ARHGEF7: variants seen among roughly 807,000 people sequenced by gnomAD.
ARHGEF7 encodes the protein PAK-interacting exchange factor beta.
Under a neutral mutation model 109.8 loss-of-function variants are expected in ARHGEF7, and 33 were observed. The observed-to-expected ratio is 0.30, with a 90% CI of 0.23 to 0.40. ARHGEF7 has a LOEUF of 0.40. Among genes scored for constraint, ARHGEF7 ranks in the 10% least tolerant of loss-of-function variants. The probability of loss-of-function intolerance (pLI) is 1.00; values close to 1 mark genes in which losing one functional copy is unlikely to be tolerated. For missense variants in ARHGEF7, 938 were observed against 1,098.5 expected, an observed-to-expected ratio of 0.85 and a Z score of 2.07; for synonymous variants, 458 against 424.6, an observed-to-expected ratio of 1.08 and a Z score of -0.97.
At chr13:111,211,270 CA>C (rs1393428839) in intron 4 of ARHGEF7, among the ~76,000 whole-genome samples, 3 of 152,134 alleles carry the variant, frequency 2.0e-5, no homozygotes, top group Non-Finnish European at 4.4e-5. Flanking sequence ...GAGGACTAAA[CA>C]AACCACTTTA....
At chr13:111,229,859 C>T (rs1594968371) in intron 5 of ARHGEF7, among the ~76,000 whole-genome samples, 1 of 152,328 alleles carries the variant, frequency 6.6e-6, no homozygotes, top group South Asian at 2.1e-4. Flanking sequence ...TTGGTTTCTT[C>T]TAGGCTGTGC....
intron 2 of ARHGEF7, among the ~76,000 whole-genome samples, chr13:111,159,444 T>G (rs575296868): frequency 1.3e-5 from 2 of 152,328 alleles, no homozygotes; most frequent in South Asian, 2.1e-4. Flanking sequence ...GTTTTTAGAT[T>G]TTGGAGGAAC....
intron 6 of ARHGEF7, chr13:111,241,056 T>G: frequency 7.7e-7 from 1 of 1,296,834 alleles, no homozygotes; most frequent in Non-Finnish European, 1.0e-6. Context: ...TGTTTTGCTG[T>G]GCTCTGAGGC....
In ARHGEF7 at chr13:111,277,626, T is replaced by C. The variant is rs141685999; in HGVS notation, c.1459T>C (p.Leu487=). ...ATATCTTCTACTCTTCCCAAATGTT[T>C]TGCTAATGTTGTCTGCCAGTCCTAG... ...ERYLLLFPNV[L]LMLSASPRMS... The change falls in exon 13 of 22, where the codon TTG becomes CTG. Residue 487 remains leucine, a synonymous_variant. Transcript: ENST00000646102. The C allele has an allele frequency of 8.4e-3, 13,478 of 1,607,996 alleles. 78 individuals carry two copies. Among genetic ancestry groups the C allele is most frequent in the Non-Finnish European group, 0.01 (12,170 of 1,174,738 alleles).
intron 2 of ARHGEF7, among the ~76,000 whole-genome samples, chr13:111,178,344 A>T (rs2078373361): frequency 6.6e-6 from 1 of 152,206 alleles, no homozygotes; most frequent in Non-Finnish European, 1.5e-5. Flanking sequence ...TCTACATTTA[A>T]TGTGTTTTTA....
intron 2 of ARHGEF7, chr13:111,202,996 A>G: frequency 1.8e-6 from 2 of 1,114,308 alleles, no homozygotes; most frequent in Non-Finnish European, 2.3e-6. Flanking sequence ...AGTTTCAGCC[A>G]ATCAGATGCT....
chr13:111,277,797 A>G (rs1301835599), intron 13 of ARHGEF7, 124 bp downstream of exon 13: 2 of 638,838 alleles, frequency 3.1e-6, no homozygotes, highest in South Asian at 4.1e-5. Context: ...AGTGCTGTAT[A>G]TTCAGATATG....
At chr13:111,293,154 T>C (rs1342651407) in intron 19 of ARHGEF7, 1 of 985,344 alleles carries the variant, frequency 1.0e-6, no homozygotes, top group East Asian at 1.1e-4. Flanking sequence ...GCCCGAAAGC[T>C]GAAGCATTCA....
Position 111,153,917 on chromosome 13 carries a change from C to G in ARHGEF7, c.178C>G (p.Pro60Ala), listed in dbSNP as rs779091507. The change falls in exon 2 of 22, where the codon CCC (proline) becomes GCC (alanine). Residue 60 changes from proline (P) to alanine (A), a missense_variant. Around this residue, in one of 4 missense-constraint regions of ARHGEF7, gnomAD observed 165 missense variants for 125.8 expected, o/e 1.31. Transcript: ENST00000646102. ...PGTIEKVYPE[P>A]RSESECLSNI... Reference sequence around the variant, plus strand: ...CTCTGTATTGCAGGTCTACCCCGAGCCCCGGAGCGAGAGCGAGTGCCTGAG... The same window carrying G: ...CTCTGTATTGCAGGTCTACCCCGAGGCCCGGAGCGAGAGCGAGTGCCTGAG... The G allele has an allele frequency of 3.1e-6, 5 of 1,605,208 alleles. No individual in the cohort carries two copies. The East Asian group carries it at 1.1e-4, about 37-fold the overall frequency.
intron 8 of ARHGEF7, chr13:111,265,426 A>G (rs377010537): frequency 8.2e-6 from 3 of 365,622 alleles, no homozygotes; most frequent in Middle Eastern, 9.1e-4. Context: ...TGTTTTGAAC[A>G]TGAGGTTTTT....
At chr13:111,141,502 A>G (rs1402498345) in intron 1 of ARHGEF7, among the ~76,000 whole-genome samples, 1 of 152,158 alleles carries the variant, frequency 6.6e-6, no homozygotes, top group Non-Finnish European at 1.5e-5. Flanking sequence ...AGGAACCTCT[A>G]CGTATTCAGC....
intron 18 of ARHGEF7, among the ~76,000 whole-genome samples, chr13:111,290,361 A>C (rs1308897710): frequency 6.6e-6 from 1 of 152,252 alleles, no homozygotes; most frequent in Non-Finnish European, 1.5e-5. Flanking sequence ...TATAACAGCT[A>C]TTTATATGGC....
At chr13:111,184,045 C>T (rs971413927) in intron 2 of ARHGEF7, among the ~76,000 whole-genome samples, 2 of 151,984 alleles carry the variant, frequency 1.3e-5, no homozygotes, top group African/African-American at 4.8e-5. Flanking sequence ...TATAATAATC[C>T]CCACCTGTCA....
rs1351126469 is a variant in ARHGEF7, at chr13:111,258,653, G to A, written c.951-8895G>A. 6.6e-6 allele frequency among the ~76,000 whole-genome samples: 1 copy of A among 152,142 alleles called. No individual in the cohort carries two copies. Among genetic ancestry groups the A allele is most frequent in the East Asian group, 1.9e-4 (1 of 5,168 alleles). ...GAGCTGGCTTCAAATGTGACCCAGA[G>A]CACATTCCCAGCTGTGGTGGCTACA... On this transcript the variant is annotated intron_variant, in intron 8 of 21. Coordinates refer to ENST00000646102, the MANE Select transcript of ARHGEF7 (RefSeq NM_001354046.2). The surrounding 1 kb of genome is among the most constrained non-coding windows in gnomAD (Gnocchi z 4.4).
intron 2 of ARHGEF7, among the ~76,000 whole-genome samples, chr13:111,189,842 G>C (rs117822656): frequency 0.026 from 3,912 of 151,550 alleles, 77 homozygotes; most frequent in Non-Finnish European, 0.039. Context: ...CTTTTAGCTA[G>C]ACACAGAGTG....
At chr13:111,186,056 C>T (rs929095234) in intron 2 of ARHGEF7, among the ~76,000 whole-genome samples, 8 of 150,774 alleles carry the variant, frequency 5.3e-5, no homozygotes, top group East Asian at 3.9e-4. Flanking sequence ...CACTGAGGTA[C>T]GGGCTGTGTG....
At chr13:111,124,044 T>A (rs542964388) in intron 1 of ARHGEF7, among the ~76,000 whole-genome samples, 1 of 152,316 alleles carries the variant, frequency 6.6e-6, no homozygotes, top group Admixed American at 6.5e-5. Flanking sequence ...ATTTTTTTTT[T>A]AATTTCTAAA....
At chr13:111,285,181 C>T (rs2092966719) in intron 16 of ARHGEF7, among the ~76,000 whole-genome samples, 1 of 152,170 alleles carries the variant, frequency 6.6e-6, no homozygotes, top group African/African-American at 2.4e-5. Flanking sequence ...CACCTTCCGC[C>T]TTTTGGAGTC....
rs373781816 is a variant in ARHGEF7 at position 111,153,582 on chromosome 13, G to A, written c.166-323G>A. On this transcript the variant is annotated intron_variant, in intron 1 of 21. Transcript: ENST00000646102. ...AGCAGGGTGGGCTGCGTCCGCGGGG[G>A]CGAACACCCGACGCTATCCGAAGAC... is the stretch of plus-strand genomic sequence containing the variant. 2.9e-5 allele frequency: 32 copies of A among 1,088,082 alleles called. No individual in the cohort carries two copies. In the South Asian group the frequency reaches 7.7e-4, roughly 26 times the overall value. The allele number at this position is 1,088,082 out of a possible 1,614,324, so 67.4% of individuals were successfully genotyped here. A position where few individuals can be genotyped will look rare whatever the true frequency, so the allele number is the denominator to read the frequency against.
Sources: gnomAD v4.1 joint callset for allele counts (sites outside exome capture counted in the v4.1 genomes callset) on GRCh38, gnomAD v4.1.1 for gene constraint, gnomAD v4.1.1 regional missense constraint, Gnocchi (gnomAD v3.1) non-coding constraint, MANE v1.5 for transcripts, NCBI Gene and HGNC (gene_info 2026-07-23, HGNC 2026-07-21) for gene names.